Variants in RPS6KL1 observed in about 807,000 individuals in gnomAD.
RPS6KL1 encodes ribosomal protein S6 kinase-like 1.
A neutral mutation model predicts 57.0 loss-of-function variants in RPS6KL1; 41 were observed. The ratio of observed to expected loss-of-function variants is 0.72; its 90% CI spans 0.56 to 0.93. RPS6KL1 has a LOEUF of 0.93. Ranked by LOEUF, RPS6KL1 falls within the 40% of genes least tolerant of loss-of-function variation. The pLI, the probability that RPS6KL1 is intolerant of heterozygous loss-of-function variation, is 0.00. For missense variants in RPS6KL1, 697 were observed against 727.7 expected (o/e 0.96, Z 0.49); for synonymous variants, 287 against 309.7 (o/e 0.93, Z 0.77).
At chr14:74,913,804 G>A (rs940522879) in intron 5 of RPS6KL1, among the ~76,000 whole-genome samples, 4 of 152,212 alleles carry the variant, frequency 2.6e-5, no homozygotes, top group African/African-American at 7.2e-5. Context: ...ATAACCTGTC[G>A]TGATTATTAC....
chr14:74,918,498 T>C lies in RPS6KL1; in HGVS notation c.483+15A>G. The C allele has an allele frequency of 2.0e-6, 3 of 1,509,832 alleles. No homozygotes were observed. Among genetic ancestry groups the C allele is most frequent in the Non-Finnish European group, 2.7e-6 (3 of 1,128,456 alleles). 93.5% of individuals were successfully genotyped at this position (1,509,832 alleles called of 1,614,324 possible). A position where few individuals can be genotyped will look rare whatever the true frequency, so the allele number is the denominator to read the frequency against. ...CACTGTCTCCCTCCTGCAAGGCGAG[T>C]GTCCACTCACTCACCTTCTCGATGA... On this transcript the variant is annotated intron_variant, in intron 5 of 11. Coordinates refer to ENST00000557413, the MANE Select transcript of RPS6KL1 (RefSeq NM_031464.5).
chr14:74,920,972 A>C (rs1374613443), intron 3 of RPS6KL1, among the ~76,000 whole-genome samples: 1 of 152,208 alleles, frequency 6.6e-6, no homozygotes, highest in African/African-American at 2.4e-5. Flanking sequence ...CCTCATCTGG[A>C]ACATGAGAAT....
rs1325477060 is a variant in RPS6KL1 at position 74,904,537 on chromosome 14, T to C, written c.*2477A>G. On this transcript the variant is annotated 3_prime_UTR_variant, in exon 12 of 12. Coordinates refer to ENST00000557413, the MANE Select transcript of RPS6KL1 (RefSeq NM_031464.5). ...GGGGGGCTTAGGATGTTTTTTGTTT[T>C]GTTTCCATAAAGCATCATAGTCTCT... is the stretch of plus-strand genomic sequence containing the variant. The C allele has an allele frequency of 6.6e-6, 1 of 152,212 alleles. No homozygotes were observed. The highest frequency in any genetic ancestry group is 2.4e-5 in the African/African-American group (1 of 41,430). 9.4% of individuals were successfully genotyped at this position (152,212 alleles called of 1,614,324 possible).
chr14:74,910,870 C>CTT (rs5809683), intron 7 of RPS6KL1: 1,897 of 155,834 alleles, frequency 0.012, 30 homozygotes, highest in Non-Finnish European at 0.016. Flanking sequence ...CAGGGCTCAG[C>CTT]TTTTTTTTTT....
chr14:74,910,370 AAACT>A, intron 7 of RPS6KL1: 1 of 317,490 alleles, frequency 3.1e-6, no homozygotes, highest in Non-Finnish European at 5.4e-6. Context: ...CCAGCCTTAC[AAACT>A]GGCACACCAC....
At chr14:74,921,238 T>TGGCC in intron 3 of RPS6KL1, 39 bp downstream of exon 3, 8 of 840,174 alleles carry the variant, frequency 9.5e-6, no homozygotes, top group Non-Finnish European at 1.4e-5. Flanking sequence ...CACTGGCCCT[T>TGGCC]CCCCACCCAC....
In RPS6KL1 at chr14:74,909,635, G is replaced by T. The variant is rs752334065; in HGVS notation, c.1178C>A (p.Ala393Glu). ...SVREEQVKQWAAEMLVALEAL... is the reference protein window; with the variant it reads ...SVREEQVKQWEAEMLVALEAL... Reference sequence around the variant, plus strand: ...CTCCAGCGCTACCAGCATCTCTGCCGCCCACTGCTTCACCTGCTCCTCTCT... The same window carrying T: ...CTCCAGCGCTACCAGCATCTCTGCCTCCCACTGCTTCACCTGCTCCTCTCT... Residue 393 changes from alanine to glutamate, a missense_variant, in exon 8 of 12, where the codon GCG becomes GAG. Coordinates refer to ENST00000557413, the MANE Select transcript of RPS6KL1 (RefSeq NM_031464.5). 3 of 1,611,340 alleles carry T rather than the reference G, an allele frequency of 1.9e-6. No homozygotes were observed. Among genetic ancestry groups the T allele is most frequent in the Non-Finnish European group, 2.5e-6 (3 of 1,179,938 alleles).
rs761864909 is a variant in RPS6KL1, at chr14:74,906,735, T to C, written c.*279A>G. 4.9e-6 allele frequency: 3 copies of C among 607,354 alleles called. No homozygotes were observed. Among genetic ancestry groups the C allele is most frequent in the South Asian group, 3.0e-5 (2 of 66,428 alleles). 37.6% of individuals were successfully genotyped at this position (607,354 alleles called of 1,614,324 possible). The stretch of plus-strand genomic sequence containing the variant: ...AGAAGGCAACCTTTAACATGGTGAG[T>C]CCACATGCTCAACGGGTCTGTTGAC... On this transcript the variant is annotated 3_prime_UTR_variant, in exon 12 of 12. Transcript: ENST00000557413.
chr14:74,911,744 G>T, intron 6 of RPS6KL1, 50 bp downstream of exon 6: 1 of 1,506,112 alleles, frequency 6.6e-7, no homozygotes, highest in Non-Finnish European at 9.1e-7. Context: ...CAAGAGCCCT[G>T]AGAAAGATCC....
chr14:74,918,115 A>ATTT (rs773809398), intron 5 of RPS6KL1, among the ~76,000 whole-genome samples: 9 of 65,428 alleles, frequency 1.4e-4, no homozygotes, highest in African/African-American at 6.3e-4. Context: ...ATTTTATTTT[A>ATTT]TATTTTATTT....
rs769386703 is a variant in RPS6KL1, at chr14:74,908,906, C to T, written c.1387G>A (p.Glu463Lys). ...PEVGGISELT[E>K]ACDWWSFGSL... ...CCAAAGCTCCACCAGTCACAGGCTT[C>T]CGTCAGCTCGGAAATCCCACCCACC... Residue 463 changes from glutamate to lysine, a missense_variant, in exon 10 of 12, where the codon GAA (glutamate) becomes AAA (lysine). Glu to Lys is a moderately conservative substitution (Grantham distance 56, BLOSUM62 1). Transcript: ENST00000557413. 2 of 1,613,996 alleles carry T rather than the reference C, an allele frequency of 1.2e-6. No individual in the cohort carries two copies. Among genetic ancestry groups the T allele is most frequent in the South Asian group, 2.2e-5 (2 of 91,064 alleles).
intron 11 of RPS6KL1, 92 bp downstream of exon 11, chr14:74,907,343 C>T (rs986674056): frequency 6.4e-5 from 96 of 1,500,580 alleles, no homozygotes; most frequent in Admixed American, 2.3e-4. Flanking sequence ...ACACTGAGCA[C>T]GAAGCACACG....
At chr14:74,911,934 GGC>G in intron 5 of RPS6KL1, 93 bp from the exon 6 acceptor site, 2 of 1,084,670 alleles carry the variant, frequency 1.8e-6, no homozygotes, top group Non-Finnish European at 2.7e-6. Context: ...CCTCCACTGA[GGC>G]TGACTCACTC....
intron 4 of RPS6KL1, among the ~76,000 whole-genome samples, chr14:74,919,329 C>T (rs951877864): frequency 8.5e-5 from 13 of 152,230 alleles, no homozygotes; most frequent in South Asian, 2.1e-4. Context: ...TACGCGCAAC[C>T]GTGGGGTAAG....
intron 5 of RPS6KL1, among the ~76,000 whole-genome samples, chr14:74,913,718 G>A (rs947844788): frequency 6.6e-6 from 1 of 152,166 alleles, no homozygotes; most frequent in South Asian, 2.1e-4. Context: ...CCTTCAGGGG[G>A]TCCTGAAGAG....
At chr14:74,921,238 T>TTCCCCCCCCCCCCCCCCC in intron 3 of RPS6KL1, 39 bp downstream of exon 3, 36 of 840,110 alleles carry the variant, frequency 4.3e-5, no homozygotes, top group Middle Eastern at 2.6e-4. Flanking sequence ...CACTGGCCCT[T>TTCCCCCCCCCCCCCCCCC]CCCCACCCAC....
chr14:74,919,090 G>A (rs533029103), intron 4 of RPS6KL1, among the ~76,000 whole-genome samples: 3 of 152,324 alleles, frequency 2.0e-5, no homozygotes, highest in Middle Eastern at 6.8e-3. Context: ...CAGGAGAATC[G>A]CTTGAACCTG....
At chr14:74,911,901 C>A in intron 5 of RPS6KL1, 60 bp from the exon 6 acceptor site, 1 of 1,436,034 alleles carries the variant, frequency 7.0e-7, no homozygotes, top group Non-Finnish European at 9.6e-7. Context: ...CTCCGTGACC[C>A]CAGCCTGACC....
intron 1 of RPS6KL1, among the ~76,000 whole-genome samples, chr14:74,922,854 C>G (rs988743107): frequency 1.3e-5 from 2 of 152,212 alleles, no homozygotes; most frequent in African/African-American, 4.8e-5. Context: ...GGGAGACCCA[C>G]AGCCTCAGCC....
Sources: allele counts gnomAD v4.1 joint callset (sites outside exome capture counted in the v4.1 genomes callset), GRCh38; gene constraint gnomAD v4.1.1; transcripts MANE v1.5; gene names NCBI Gene and HGNC (gene_info 2026-07-23, HGNC 2026-07-21).